Variants in THOP1 observed in about 807,000 individuals in gnomAD.
THOP1 encodes the protein thimet oligopeptidase.
A neutral mutation model predicts 71.8 loss-of-function variants in THOP1; 49 were observed. The ratio of observed to expected loss-of-function variants is 0.68; its 90% CI spans 0.54 to 0.87. THOP1 has a LOEUF of 0.87. THOP1 is among the 40% of genes least tolerant of loss of function. THOP1 has a pLI of 0.00. For synonymous variants in THOP1, 426 were observed against 421.5 expected, an observed-to-expected ratio of 1.01 and a Z score of -0.13; for missense variants, 843 against 975.6, an observed-to-expected ratio of 0.86 and a Z score of 1.81.
intron 5 of THOP1, among the ~76,000 whole-genome samples, chr19:2,802,497 C>T (rs1916176938): frequency 6.9e-6 from 1 of 145,496 alleles, no homozygotes; most frequent in South Asian, 2.2e-4. Context: ...ACCAACACCT[C>T]CCGACACCAA....
Position 2,806,904 on chromosome 19 carries a change from GT to G in THOP1, c.751-12del, listed in dbSNP as rs1916305111. The G allele has an allele frequency of 4.3e-6, 7 of 1,612,910 alleles. No individual in the cohort carries two copies. The highest frequency in any genetic ancestry group is 5.9e-6 in the Non-Finnish European group (7 of 1,179,776). On this transcript the variant is annotated splice_polypyrimidine_tract_variant and intron_variant, in intron 6 of 12. Coordinates refer to ENST00000307741, the MANE Select transcript of THOP1 (RefSeq NM_003249.5). ...GGCGCCCCTGGGTGACAGTGTGGTG[GT>G]GTCGGTTGCAGGAGAACTGCGCTAT...
chr19:2,801,777 AG>A lies in THOP1; in HGVS notation c.589+1991del, dbSNP rs1392770045. Among the ~76,000 whole-genome samples, 1 of 151,976 alleles carries A rather than the reference AG, an allele frequency of 6.6e-6. No individual in the cohort carries two copies. The highest frequency in any genetic ancestry group is 2.4e-5 in the African/African-American group (1 of 41,352). On this transcript the variant is annotated intron_variant, in intron 5 of 12. Coordinates refer to ENST00000307741, the MANE Select transcript of THOP1 (RefSeq NM_003249.5). This position sits in a 1 kb window ranked among gnomAD's most constrained non-coding sequence, Gnocchi z 5.1. Reference sequence around the variant, plus strand: ...GGCCAGGGTGTCACATGGCAAGGGGAGGGGGCTAAGCGAGCCGGTTCCACCC... The same window carrying A: ...GGCCAGGGTGTCACATGGCAAGGGGAGGGGCTAAGCGAGCCGGTTCCACCC...
At chr19:2,811,915 G>T in intron 12 of THOP1, 181 bp downstream of exon 12, 1 of 1,348,830 alleles carries the variant, frequency 7.4e-7, no homozygotes, top group South Asian at 1.5e-5. Flanking sequence ...GGGTGGGGCC[G>T]AGAAAAGCAC....
intron 1 of THOP1, 74 bp from the exon 2 acceptor site, chr19:2,790,347 C>A: frequency 7.2e-7 from 1 of 1,386,758 alleles, no homozygotes; most frequent in South Asian, 1.5e-5. Context: ...CTTCCTTTCC[C>A]TCTGCCCTCC....
intron 5 of THOP1, among the ~76,000 whole-genome samples, chr19:2,802,351 C>T (rs1373293557): frequency 7.0e-6 from 1 of 143,204 alleles, no homozygotes; most frequent in Admixed American, 6.9e-5. Flanking sequence ...ACACCAACAC[C>T]TCCCAACACC....
Position 2,808,258 on chromosome 19 carries a change from G to A in THOP1, c.1269G>A (p.Gly423=), listed in dbSNP as rs1471351518. The A allele has an allele frequency of 6.5e-7, 1 of 1,548,504 alleles. No individual in the cohort carries two copies. The highest frequency in any genetic ancestry group is 1.2e-5 in the South Asian group (1 of 84,272). The part of the protein sequence containing the change: ...LDLYPREGKY[G]HAACFGLQPG... Reference sequence around the variant, plus strand: ...CCCTCCCCAGGGAAGGAAAGTACGGGCACGCGGCCTGCTTTGGCCTGCAGC... The same window carrying A: ...CCCTCCCCAGGGAAGGAAAGTACGGACACGCGGCCTGCTTTGGCCTGCAGC... The change falls in exon 9 of 13, where the codon GGG becomes GGA. Residue 423 remains glycine, a synonymous_variant. Transcript: ENST00000307741.
rs747172157 is a variant in THOP1 at position 2,811,601 on chromosome 19, C to T, written c.1775C>T (p.Thr592Ile). The T allele has an allele frequency of 2.5e-6, 4 of 1,612,594 alleles. No homozygotes were observed. The highest frequency in any genetic ancestry group is 2.5e-6 in the Non-Finnish European group (3 of 1,179,538). ...CCCTGCCATGTGTCCGCCCCAGGAACCAACATGCCTGCAACCTTCGGCCAT... is the reference window on the plus strand; with the variant it reads ...CCCTGCCATGTGTCCGCCCCAGGAATCAACATGCCTGCAACCTTCGGCCAT... ...EILGVPATPG[T>I]NMPATFGHLA... Residue 592 changes from threonine to isoleucine, a missense_variant, in exon 12 of 13, where the codon ACC becomes ATC. Transcript: ENST00000307741.
intron 8 of THOP1, chr19:2,808,009 G>A: frequency 1.1e-5 from 9 of 792,434 alleles, no homozygotes; most frequent in Non-Finnish European, 1.5e-5. Flanking sequence ...CAGCCACCCC[G>A]ACAGGGCGCA....
chr19:2,810,196 C>G lies in THOP1; in HGVS notation c.1456-108C>G, dbSNP rs112347719. Reference sequence around the variant, plus strand: ...GGTGGGAGGGCCGGGCCCAGCGCATCACCTGTGCACTCGCCCTGTTTGCAC... The same window carrying G: ...GGTGGGAGGGCCGGGCCCAGCGCATGACCTGTGCACTCGCCCTGTTTGCAC... On this transcript the variant is annotated intron_variant, in intron 9 of 12. Transcript: ENST00000307741. The G allele has an allele frequency of 3.0e-4, 414 of 1,366,982 alleles. 3 individuals are homozygous for G. The highest frequency in any genetic ancestry group is 1.1e-4 in the Non-Finnish European group (117 of 1,018,236). 84.7% of individuals were successfully genotyped at this position (1,366,982 alleles called of 1,614,324 possible). A position where few individuals can be genotyped will look rare whatever the true frequency, so the allele number is the denominator to read the frequency against.
In THOP1 at chr19:2,810,646, T is replaced by C. The variant is rs373809315; in HGVS notation, c.1649T>C (p.Phe550Ser). ...IESRQANTGL[F>S]NLRQIVLAKV... ...CTCCTTCCCTCCCGCCCAGGCCTCT[T>C]CAACCTGCGCCAGATCGTCCTCGCC... The change falls in exon 11 of 13, where the codon TTC becomes TCC. Residue 550 changes from phenylalanine (F) to serine (S), a missense_variant. Transcript: ENST00000307741. 2.6e-6 allele frequency: 4 copies of C among 1,553,086 alleles called. No homozygotes were observed. The African/African-American group carries it at 4.1e-5, about 16-fold the overall frequency.
In THOP1 at chr19:2,796,199, G is replaced by A. The variant is rs2302495; in HGVS notation, c.486+11G>A. ...AGAGAGACTCAGGAAGTGAGTGCTGGGTGTAGGGAGTGCTGGGCGTGGGCA... is the reference window on the plus strand; with the variant it reads ...AGAGAGACTCAGGAAGTGAGTGCTGAGTGTAGGGAGTGCTGGGCGTGGGCA... On this transcript the variant is annotated intron_variant, in intron 4 of 12. Coordinates refer to ENST00000307741, the MANE Select transcript of THOP1 (RefSeq NM_003249.5). 0.022 allele frequency: 35,234 copies of A among 1,601,870 alleles called. 1,964 individuals are homozygous for A. Among genetic ancestry groups the A allele is most frequent in the East Asian group, 0.16 (7,317 of 44,638 alleles).
At position 2,810,493 on chromosome 19, in the gene THOP1, G is replaced by A; in HGVS notation, c.1642+3G>A. 6.5e-7 allele frequency: 1 copy of A among 1,548,262 alleles called. No homozygotes were observed. On this transcript the variant is annotated splice_donor_region_variant and intron_variant, in intron 10 of 12. Coordinates refer to ENST00000307741, the MANE Select transcript of THOP1 (RefSeq NM_003249.5). ...TGAGTCCCGGCAGGCCAACACAGGTGCACCCGCCCCGTCCGGGGAAGGGTG... is the reference window on the plus strand; with the variant it reads ...TGAGTCCCGGCAGGCCAACACAGGTACACCCGCCCCGTCCGGGGAAGGGTG...
At position 2,804,940 on chromosome 19, in the gene THOP1, C is replaced by A. The variant is rs946236489; in HGVS notation, c.590-76C>A. On this transcript the variant is annotated intron_variant, in intron 5 of 12. Coordinates refer to ENST00000307741, the MANE Select transcript of THOP1 (RefSeq NM_003249.5). The surrounding 1 kb of genome is among the most constrained non-coding windows in gnomAD (Gnocchi z 4.7). ...GCTTTCCAGGCAGAGGGGAAGCCCA[C>A]CCCTTCCCTCACACGCTGTGTGCAG... The A allele has an allele frequency of 1.4e-6, 2 of 1,432,440 alleles. No homozygotes were observed. Among genetic ancestry groups the A allele is most frequent in the Non-Finnish European group, 1.9e-6 (2 of 1,068,020 alleles). The allele number at this position is 1,432,440 out of a possible 1,614,324, so 88.7% of individuals were successfully genotyped here. A position where few individuals can be genotyped will look rare whatever the true frequency, so the allele number is the denominator to read the frequency against.
At position 2,801,595 on chromosome 19, in the gene THOP1, G is replaced by T. The variant is rs1394697645; in HGVS notation, c.589+1804G>T. 6.6e-6 allele frequency among the ~76,000 whole-genome samples: 1 copy of T among 152,172 alleles called. No individual in the cohort carries two copies. The highest frequency in any genetic ancestry group is 1.9e-4 in the East Asian group (1 of 5,196). On this transcript the variant is annotated intron_variant, in intron 5 of 12. Transcript: ENST00000307741. This position sits in a 1 kb window ranked among gnomAD's most constrained non-coding sequence, Gnocchi z 5.1. ...CAGGAGACGCCTTGCGATGGTCTTA[G>T]TTCCTTTTCTTCTGCTTACAACAGA...
At chr19:2,796,218 G>C in intron 4 of THOP1, 30 bp downstream of exon 4, 1 of 1,551,034 alleles carries the variant, frequency 6.4e-7, no homozygotes, top group African/African-American at 1.4e-5. Context: ...AGTGCTGGGC[G>C]TGGGCAATGG....
intron 12 of THOP1, chr19:2,812,073 G>A: frequency 8.0e-7 from 1 of 1,248,074 alleles, no homozygotes; most frequent in South Asian, 1.6e-5. Flanking sequence ...AGTGCTGGGA[G>A]CTCCGTGTCT....
Position 2,814,316 on chromosome 19 carries a change from GCT to G in THOP1, c.*1043_*1044del, listed in dbSNP as rs1568328414. 1 of 152,312 alleles carries G rather than the reference GCT, an allele frequency of 6.6e-6. No homozygotes were observed. The highest frequency in any genetic ancestry group is 2.4e-5 in the African/African-American group (1 of 41,448). The allele number at this position is 152,312 out of a possible 1,614,324, so 9.4% of individuals were successfully genotyped here. On this transcript the variant is annotated 3_prime_UTR_variant, in exon 13 of 13. Coordinates refer to ENST00000307741, the MANE Select transcript of THOP1 (RefSeq NM_003249.5). ...TGCTCCCCGTCTCTTCAGTCCCAGT[GCT>G]CTGATGTTTTCTCCCGCGACTGTGA...
intron 12 of THOP1, 129 bp from the exon 13 acceptor site, chr19:2,812,986 C>T: frequency 3.4e-6 from 4 of 1,177,360 alleles, no homozygotes; most frequent in Non-Finnish European, 4.7e-6. Flanking sequence ...CAGGCGGCCC[C>T]CGGGCCTCCC....
rs534274676 is a variant in THOP1 at position 2,790,758 on chromosome 19, C to G, written c.229+125C>G. ...CTTGAAGTGTCACCAGCACCCTGCC[C>G]CTGAGCACAGGGCAGCGCCACCTGC... On this transcript the variant is annotated intron_variant, in intron 2 of 12. Transcript: ENST00000307741. 5 of 883,508 alleles carry G rather than the reference C, an allele frequency of 5.7e-6. No individual in the cohort carries two copies. The East Asian group carries it at 1.5e-4, about 26-fold the overall frequency. 54.7% of individuals were successfully genotyped at this position (883,508 alleles called of 1,614,324 possible). A position where few individuals can be genotyped will look rare whatever the true frequency, so the allele number is the denominator to read the frequency against.
Sources: allele counts gnomAD v4.1 joint callset (sites outside exome capture counted in the v4.1 genomes callset), GRCh38; gene constraint gnomAD v4.1.1; non-coding constraint Gnocchi (gnomAD v3.1); transcripts MANE v1.5; gene names NCBI Gene and HGNC (gene_info 2026-07-23, HGNC 2026-07-21).